Variants in CPA6 observed in about 807,000 individuals in gnomAD.
CPA6 encodes the protein carboxypeptidase B.
In CPA6, 58 loss-of-function variants were observed where a neutral mutation model predicts 63.3. The ratio of observed to expected loss-of-function variants is 0.92; its 90% CI spans 0.74 to 1.14. The LOEUF (loss-of-function observed/expected upper bound fraction) is 1.14, where lower values mean the gene tolerates loss of function less well. Among genes scored for constraint, CPA6 ranks in the 50% most tolerant of loss-of-function variants. The pLI, the probability that CPA6 is intolerant of heterozygous loss-of-function variation, is 0.00. For missense variants in CPA6, 565 were observed against 526.6 expected (o/e 1.07, Z -0.71); for synonymous variants, 185 against 179.0 (o/e 1.03, Z -0.27).
At chr8:67,476,697 C>G (rs1233506007) in intron 8 of CPA6, among the ~76,000 whole-genome samples, 1 of 152,076 alleles carries the variant, frequency 6.6e-6, no homozygotes, top group Non-Finnish European at 1.5e-5. Context: ...GCAACTTGAT[C>G]CCTAAGGAGT....
At chr8:67,594,991 T>A (rs933816363) in intron 2 of CPA6, among the ~76,000 whole-genome samples, 6 of 152,200 alleles carry the variant, frequency 3.9e-5, no homozygotes, top group African/African-American at 1.4e-4. Flanking sequence ...CTGCTCTGTT[T>A]TTTCCCCATC....
chr8:67,483,938 A>G (rs1811415538), intron 7 of CPA6, 80 bp from the exon 8 acceptor site: 2 of 1,131,316 alleles, frequency 1.8e-6, no homozygotes, highest in Non-Finnish European at 2.7e-6. Context: ...TCAATCAATG[A>G]AAGAGTCATA....
chr8:67,708,469 A>G (rs1459405598), intron 1 of CPA6, among the ~76,000 whole-genome samples: 1 of 152,220 alleles, frequency 6.6e-6, no homozygotes, highest in African/African-American at 2.4e-5. Flanking sequence ...TGAACTAACT[A>G]GTGATCTCTG....
intron 8 of CPA6, among the ~76,000 whole-genome samples, chr8:67,470,516 C>T (rs1811034190): frequency 6.6e-6 from 1 of 152,128 alleles, no homozygotes; most frequent in African/African-American, 2.4e-5. Context: ...CTCATTCTCT[C>T]ATGTTTGTTT....
chr8:67,476,580 T>A lies in CPA6; in HGVS notation c.838+7188A>T, dbSNP rs1563968650. Reference sequence around the variant, plus strand: ...TTTTTTTTTTTTGTCTATTTCATTTTGGATAAAACAGTTCAATTCATATGG... The same window carrying A: ...TTTTTTTTTTTTGTCTATTTCATTTAGGATAAAACAGTTCAATTCATATGG... On this transcript the variant is annotated intron_variant, in intron 8 of 10. Transcript: ENST00000297770. Among the ~76,000 whole-genome samples, 3 of 151,942 alleles carry A rather than the reference T, an allele frequency of 2.0e-5. No homozygotes were observed. The South Asian group carries it at 6.2e-4, about 32-fold the overall frequency.
At chr8:67,515,200 C>A (rs1462081907) in intron 3 of CPA6, among the ~76,000 whole-genome samples, 2 of 152,192 alleles carry the variant, frequency 1.3e-5, no homozygotes, top group African/African-American at 2.4e-5. Context: ...TACACGCATG[C>A]CTTTCAACCC....
At chr8:67,552,506 G>A (rs112883926) in intron 2 of CPA6, among the ~76,000 whole-genome samples, 2 of 152,184 alleles carry the variant, frequency 1.3e-5, no homozygotes, top group African/African-American at 2.4e-5. Flanking sequence ...GGGCACGGTG[G>A]CTCATGCCTG....
At position 67,713,097 on chromosome 8, in the gene CPA6, GTGTATATATATA is replaced by G. The variant is rs1230632034; in HGVS notation, c.116+32905_116+32916del. ...TCTGTGTGTGTATGTGTGTGTGTGT[GTGTATATATATA>G]TATATATATATATATATATATATAT... is the stretch of plus-strand genomic sequence containing the variant. On this transcript the variant is annotated intron_variant, in intron 1 of 10. Transcript: ENST00000297770. Among the ~76,000 whole-genome samples, 14 of 60,246 alleles carry G rather than the reference GTGTATATATATA, an allele frequency of 2.3e-4. No homozygotes were observed. The South Asian group carries it at 3.8e-3, about 17-fold the overall frequency. 39.5% of individuals were successfully genotyped at this position (60,246 alleles called of 152,430 possible).
At chr8:67,574,286 G>C (rs1044927018) in intron 2 of CPA6, among the ~76,000 whole-genome samples, 1 of 150,424 alleles carries the variant, frequency 6.6e-6, no homozygotes, top group Non-Finnish European at 1.5e-5. Flanking sequence ...TGAGGCAGGA[G>C]AATTGCTTGA....
intron 8 of CPA6, among the ~76,000 whole-genome samples, chr8:67,436,275 G>A (rs553977018): frequency 3.6e-4 from 55 of 152,176 alleles, no homozygotes; most frequent in African/African-American, 1.3e-3. Context: ...AGTTGCACTG[G>A]GGTTGGAGCC....
chr8:67,467,721 G>A (rs1282739556), intron 8 of CPA6, among the ~76,000 whole-genome samples: 1 of 151,864 alleles, frequency 6.6e-6, no homozygotes, highest in East Asian at 1.9e-4. Flanking sequence ...CTGTAAGGGC[G>A]ACCGGGCACG....
intron 2 of CPA6, among the ~76,000 whole-genome samples, chr8:67,565,644 C>A (rs529734044): frequency 6.6e-6 from 1 of 152,270 alleles, no homozygotes; most frequent in South Asian, 2.1e-4. Flanking sequence ...TGAAAAAGAC[C>A]TTTAGGACTG....
At chr8:67,680,920 T>C (rs1467635717) in intron 1 of CPA6, among the ~76,000 whole-genome samples, 1 of 152,218 alleles carries the variant, frequency 6.6e-6, no homozygotes, top group Admixed American at 6.5e-5. Flanking sequence ...TCTGTTGAAA[T>C]ACTTTGCTCA....
chr8:67,551,435 A>G (rs973314444), intron 2 of CPA6, among the ~76,000 whole-genome samples: 7 of 152,162 alleles, frequency 4.6e-5, no homozygotes, highest in African/African-American at 7.2e-5. Context: ...CTTATAGTAT[A>G]GTTTGAAATC....
chr8:67,659,436 TTAGC>T (rs1438892272), intron 1 of CPA6, among the ~76,000 whole-genome samples: 1 of 152,212 alleles, frequency 6.6e-6, no homozygotes, highest in Non-Finnish European at 1.5e-5. Context: ...TGAGTTAAAA[TTAGC>T]TAGAGTAATT....
chr8:67,520,253 C>T lies in CPA6; in HGVS notation c.193-2206G>A, dbSNP rs1812679. On this transcript the variant is annotated intron_variant, in intron 2 of 10. Coordinates refer to ENST00000297770, the MANE Select transcript of CPA6 (RefSeq NM_020361.5). The stretch of plus-strand genomic sequence containing the variant: ...TCTATAAGTGCTATTTTCTGGGGTA[C>T]ATGCTGAAGTAAGAATCTTCATCCC... Among the ~76,000 whole-genome samples, 1,250 of 152,220 alleles carry T rather than the reference C, an allele frequency of 8.2e-3. 18 individuals carry two copies. Among genetic ancestry groups the T allele is most frequent in the African/African-American group, 0.029 (1,198 of 41,512 alleles).
intron 8 of CPA6, among the ~76,000 whole-genome samples, chr8:67,458,884 G>A (rs1197668767): frequency 6.6e-6 from 1 of 152,192 alleles, no homozygotes; most frequent in Non-Finnish European, 1.5e-5. Context: ...CTAGAACACT[G>A]ACAACAGCAA....
chr8:67,433,609 T>A (rs998526777), intron 9 of CPA6, among the ~76,000 whole-genome samples: 2 of 152,236 alleles, frequency 1.3e-5, no homozygotes, highest in Non-Finnish European at 2.9e-5. Flanking sequence ...CTCAATAAAA[T>A]TAATTACAGC....
At chr8:67,543,395 C>T (rs538352806) in intron 2 of CPA6, among the ~76,000 whole-genome samples, 10 of 152,356 alleles carry the variant, frequency 6.6e-5, no homozygotes, top group African/African-American at 2.2e-4. Flanking sequence ...CAACTTCTTA[C>T]AGCAGCAGAC....
Sources: gnomAD v4.1 joint callset for allele counts (sites outside exome capture counted in the v4.1 genomes callset) on GRCh38, gnomAD v4.1.1 for gene constraint, MANE v1.5 for transcripts, NCBI Gene and HGNC (gene_info 2026-07-23, HGNC 2026-07-21) for gene names.